Variants in SQLE observed in about 807,000 individuals in gnomAD.
SQLE encodes the protein squalene epoxidase.
SQLE carries 29 observed loss-of-function variants against 60.7 expected under a neutral mutation model. The observed-to-expected ratio is 0.48, with a 90% CI of 0.36 to 0.65. The LOEUF (loss-of-function observed/expected upper bound fraction) is 0.65, where lower values mean the gene tolerates loss of function less well. Among genes scored for constraint, SQLE ranks in the 30% least tolerant of loss-of-function variants. The pLI is 0.00. For missense variants in SQLE, 605 were observed against 684.1 expected, an observed-to-expected ratio of 0.88 and a Z score of 1.29; for synonymous variants, 237 against 246.8, an observed-to-expected ratio of 0.96 and a Z score of 0.37.
intron 6 of SQLE, among the ~76,000 whole-genome samples, chr8:125,010,240 C>A (rs1815018255): frequency 1.3e-5 from 2 of 152,136 alleles, no homozygotes; most frequent in South Asian, 4.1e-4. Flanking sequence ...TCTTCAGGAT[C>A]ATGTTAGTTT....
At chr8:125,019,621 G>T (rs1397469525) in intron 9 of SQLE, among the ~76,000 whole-genome samples, 1 of 152,156 alleles carries the variant, frequency 6.6e-6, no homozygotes, top group Non-Finnish European at 1.5e-5. Context: ...AAAGGCAACT[G>T]TGCCACCTCC....
In SQLE at chr8:125,007,439, T is replaced by C. The variant is rs1304203551; in HGVS notation, c.774T>C (p.Asp258=). ...TGTTACAGTTATTAGAGGAAGATGA[T>C]GTTGTGATGGGAGTTCAGTACAAGG... ...GVVLQLLEED[D]VVMGVQYKDK... The change falls in exon 4 of 11, where the codon GAT becomes GAC. Residue 258 remains aspartate (D), a synonymous_variant. Transcript: ENST00000265896. 1 of 1,556,978 alleles carries C rather than the reference T, an allele frequency of 6.4e-7. No homozygotes were observed. Among genetic ancestry groups the C allele is most frequent in the Non-Finnish European group, 8.7e-7 (1 of 1,149,470 alleles).
At chr8:125,002,880 G>C (rs1191146359) in intron 1 of SQLE, among the ~76,000 whole-genome samples, 1 of 151,906 alleles carries the variant, frequency 6.6e-6, no homozygotes, top group Non-Finnish European at 1.5e-5. Context: ...ATTATATTCG[G>C]CCCAGTGTGG....
At chr8:125,010,456 T>C (rs74376181) in intron 6 of SQLE, among the ~76,000 whole-genome samples, 4,546 of 152,242 alleles carry the variant, frequency 0.03, 231 homozygotes, top group African/African-American at 0.1. Flanking sequence ...ATGATATGAT[T>C]AGAGTAATAG....
At chr8:125,018,882 T>C (rs1586320574) in intron 9 of SQLE, 155 bp downstream of exon 9, 2 of 595,350 alleles carry the variant, frequency 3.4e-6, no homozygotes, top group East Asian at 6.1e-5. Context: ...TTTTGAGCAA[T>C]AGTTGTAGTT....
At position 125,016,979 on chromosome 8, in the gene SQLE, CCTT is replaced by C. The variant is rs1815120704; in HGVS notation, c.1205-1076_1205-1074del. 6.6e-6 allele frequency among the ~76,000 whole-genome samples: 1 copy of C among 152,128 alleles called. No individual in the cohort carries two copies. The highest frequency in any genetic ancestry group is 1.5e-5 in the Non-Finnish European group (1 of 68,026). On this transcript the variant is annotated intron_variant, in intron 7 of 10. Transcript: ENST00000265896. This position sits in a 1 kb window ranked among gnomAD's most constrained non-coding sequence, Gnocchi z 4.1. ...TTACTTTCCCCCAAACAGAGTCTGT[CCTT>C]CTTTGTTGAGCTGCCTGGAGCTGTG...
intron 6 of SQLE, 134 bp downstream of exon 6, chr8:125,009,477 G>T: frequency 1.1e-6 from 1 of 929,044 alleles, no homozygotes; most frequent in Non-Finnish European, 1.5e-6. Context: ...CTTAAAAACA[G>T]CAAAACAAAC....
intron 6 of SQLE, chr8:125,011,107 T>G (rs905605499): frequency 6.6e-6 from 1 of 152,418 alleles, no homozygotes; most frequent in African/African-American, 2.4e-5. Flanking sequence ...ATTCCTTTTC[T>G]AGTGTACATA....
rs1814934775 is a variant in SQLE at position 125,005,608 on chromosome 8, T to C, written c.628T>C (p.Tyr210His). 1.2e-6 allele frequency: 2 copies of C among 1,612,576 alleles called. No homozygotes were observed. The highest frequency in any genetic ancestry group is 1.7e-6 in the Non-Finnish European group (2 of 1,178,986). Residue 210 changes from tyrosine (Y) to histidine (H), a missense_variant, in exon 3 of 11, where the codon TAC (tyrosine) becomes CAC (histidine). Physicochemically the swap from Tyr to His is moderately conservative, Grantham distance 83. Coordinates refer to ENST00000265896, the MANE Select transcript of SQLE (RefSeq NM_003129.4). ...QESKSEVQIPYPLSENNQVQS... is the reference protein window; with the variant it reads ...QESKSEVQIPHPLSENNQVQS... Reference sequence around the variant, plus strand: ...AAGCAAATCAGAGGTTCAGATTCCTTACCCTCTGTCAGAAAACAATCAAGT... The same window carrying C: ...AAGCAAATCAGAGGTTCAGATTCCTCACCCTCTGTCAGAAAACAATCAAGT...
At chr8:125,005,813 C>G (rs1024756446) in intron 3 of SQLE, 108 bp downstream of exon 3, 1 of 865,808 alleles carries the variant, frequency 1.2e-6, no homozygotes, top group Admixed American at 3.6e-5. Flanking sequence ...GGGGCATAGT[C>G]TAGAACATAT....
Position 125,011,620 on chromosome 8 carries a change from G to A in SQLE, c.1192G>A (p.Val398Met). The change falls in exon 7 of 11, where the codon GTG becomes ATG. Residue 398 changes from valine (V) to methionine (M), a missense_variant. Transcript: ENST00000265896. ...MPASFLPPSS[V>M]KKRGVLLLGD... ...AGCAAGCTTCCTTCCTCCTTCATCA[G>A]TGAAGAAACGAGGTATTATTTTTTG... 1.3e-6 allele frequency: 2 copies of A among 1,574,320 alleles called. No individual in the cohort carries two copies. The highest frequency in any genetic ancestry group is 2.3e-5 in the East Asian group (1 of 43,480).
intron 9 of SQLE, among the ~76,000 whole-genome samples, chr8:125,019,864 AAAAC>A (rs975808294): frequency 7.1e-4 from 97 of 136,522 alleles, no homozygotes; most frequent in African/African-American, 3.1e-3. Flanking sequence ...CTAAGGAAAA[AAAAC>A]AAAACAAAAA....
At position 124,999,237 on chromosome 8, in the gene SQLE, G is replaced by A. The variant is rs1382634507; in HGVS notation, c.-167G>A. On this transcript the variant is annotated 5_prime_UTR_variant, in exon 1 of 11. It removes an upstream start codon present in the reference 5' UTR. Coordinates refer to ENST00000265896, the MANE Select transcript of SQLE (RefSeq NM_003129.4). ...ACATACTTTTACACTAACTTTATAT[G>A]ATTTTTAAAAACTGGTCTGATCGGA... 5.3e-6 allele frequency: 3 copies of A among 568,252 alleles called. No individual in the cohort carries two copies. The highest frequency in any genetic ancestry group is 8.0e-6 in the Non-Finnish European group (3 of 376,732). 35.2% of individuals were successfully genotyped at this position (568,252 alleles called of 1,614,324 possible).
intron 8 of SQLE, 143 bp from the exon 9 acceptor site, chr8:125,018,488 A>AT (rs574398213): frequency 5.9e-5 from 40 of 674,670 alleles, no homozygotes; most frequent in Non-Finnish European, 8.2e-5. Context: ...GTGATTTTTT[A>AT]TTTTTTTTGT....
chr8:125,005,372 TC>T (rs1814930374), intron 2 of SQLE, among the ~76,000 whole-genome samples, 152 bp from the exon 3 acceptor site: 1 of 73,242 alleles, frequency 1.4e-5, no homozygotes, highest in South Asian at 6.5e-4. Context: ...CCAGAAGCAT[TC>T]ACAGTTTCTG....
rs1293466685 is a variant in SQLE, at chr8:125,021,811, G to A, written c.1591G>A (p.Val531Met). The A allele has an allele frequency of 3.7e-6, 6 of 1,609,444 alleles. No homozygotes were observed. Among genetic ancestry groups the A allele is most frequent in the South Asian group, 1.1e-5 (1 of 90,222 alleles). ...CTTCTTTGCTGTTGCAATCTATGCC[G>A]TGTATTTTTGCTTTAAGTCAGAACC... ...GHFFAVAIYA[V>M]YFCFKSEPWI... The change falls in exon 11 of 11, where the codon GTG becomes ATG. Residue 531 changes from valine to methionine, a missense_variant. Coordinates refer to ENST00000265896, the MANE Select transcript of SQLE (RefSeq NM_003129.4).
In SQLE at chr8:124,998,833, T is replaced by G; in HGVS notation, c.-571T>G. The G allele has an allele frequency of 2.2e-6, 1 of 448,864 alleles. No homozygotes were observed. 27.8% of individuals were successfully genotyped at this position (448,864 alleles called of 1,614,324 possible). A position where few individuals can be genotyped will look rare whatever the true frequency, so the allele number is the denominator to read the frequency against. ...CGTTGGCGTTTTCCCGAGGTTGGGC[T>G]GTACAGTGTCTCCGTCCGCGGAAAA... is the stretch of plus-strand genomic sequence containing the variant. On this transcript the variant is annotated 5_prime_UTR_variant, in exon 1 of 11. Coordinates refer to ENST00000265896, the MANE Select transcript of SQLE (RefSeq NM_003129.4).
chr8:125,004,013 A>G (rs960998875), intron 2 of SQLE, among the ~76,000 whole-genome samples: 1 of 152,132 alleles, frequency 6.6e-6, no homozygotes, highest in African/African-American at 2.4e-5. Context: ...CACCTTCTAA[A>G]GGCTCCATCT....
intron 2 of SQLE, among the ~76,000 whole-genome samples, chr8:125,004,429 G>A (rs1299632107): frequency 2.0e-5 from 3 of 151,874 alleles, no homozygotes; most frequent in Admixed American, 2.0e-4. Flanking sequence ...ATTTCTTCAT[G>A]GTTCTTGATA....
Sources: allele counts gnomAD v4.1 joint callset (sites outside exome capture counted in the v4.1 genomes callset), GRCh38; gene constraint gnomAD v4.1.1; non-coding constraint Gnocchi (gnomAD v3.1); transcripts MANE v1.5; gene names NCBI Gene and HGNC (gene_info 2026-07-23, HGNC 2026-07-21).